SGCD: variants seen among roughly 807,000 people sequenced by gnomAD.
SGCD encodes the protein sarcoglycan delta.
In SGCD, 18 loss-of-function variants were observed where a neutral mutation model predicts 36.6. That is an observed-to-expected ratio of 0.49 (90% confidence interval 0.34 to 0.73). SGCD has a LOEUF of 0.73. Among genes scored for constraint, SGCD ranks in the 30% least tolerant of loss-of-function variants. SGCD has a pLI of 0.01. For synonymous variants in SGCD, 133 were observed against 130.6 expected, an observed-to-expected ratio of 1.02 and a Z score of -0.12; for missense variants, 387 against 346.7, an observed-to-expected ratio of 1.12 and a Z score of -0.92.
chr5:155,998,132 T>A (rs1031567583), intron 1 of SGCD, among the ~76,000 whole-genome samples: 2 of 152,234 alleles, frequency 1.3e-5, no homozygotes, highest in Non-Finnish European at 2.9e-5. Context: ...ATGCTTTTAA[T>A]AAATATGAAG....
intron 1 of SGCD, among the ~76,000 whole-genome samples, chr5:156,032,591 G>T (rs368398714): frequency 6.6e-6 from 1 of 150,986 alleles, no homozygotes; most frequent in African/African-American, 2.4e-5. Context: ...GGTGGCAGGC[G>T]CCGGTATTCT....
chr5:155,784,640 C>CCTT, the SGCD span, among the ~76,000 whole-genome samples: 1 of 134,568 alleles, frequency 7.4e-6, no homozygotes, highest in Non-Finnish European at 1.6e-5. Flanking sequence ...GTAAGAGCTC[C>CCTT]TTTTTTTTTT....
the SGCD span, among the ~76,000 whole-genome samples, chr5:155,742,448 G>A: frequency 6.6e-6 from 1 of 152,110 alleles, no homozygotes. Flanking sequence ...CTTACCCAGG[G>A]CAGACTGAGA....
At chr5:156,070,119 T>C (rs1005642075) in intron 1 of SGCD, among the ~76,000 whole-genome samples, 5 of 149,068 alleles carry the variant, frequency 3.4e-5, no homozygotes, top group African/African-American at 1.3e-4. Context: ...GGATACCCTT[T>C]ATTTCCTTCT....
At chr5:156,153,260 T>A (rs1252354770) in intron 3 of SGCD, among the ~76,000 whole-genome samples, 1 of 151,550 alleles carries the variant, frequency 6.6e-6, no homozygotes, top group African/African-American at 2.4e-5. Context: ...GTTGTTTTTT[T>A]TTTTTTCCTG....
At chr5:155,753,964 T>C in the SGCD span, among the ~76,000 whole-genome samples, 1 of 152,106 alleles carries the variant, frequency 6.6e-6, no homozygotes, top group African/African-American at 2.4e-5. Context: ...TTTGCCATAG[T>C]CCCCTGTCAT....
At chr5:155,861,841 G>A in the SGCD span, among the ~76,000 whole-genome samples, 1 of 152,234 alleles carries the variant, frequency 6.6e-6, no homozygotes, top group Non-Finnish European at 1.5e-5. Context: ...ATTTTACCGG[G>A]AGTGAGGAGG....
chr5:155,922,366 C>T (rs926510910), intron 1 of SGCD, among the ~76,000 whole-genome samples: 2 of 152,048 alleles, frequency 1.3e-5, no homozygotes, highest in Non-Finnish European at 2.9e-5. Flanking sequence ...TGTGCCTGAA[C>T]CCCCACCTCC....
At chr5:156,738,741 G>A (rs1756506134) in intron 7 of SGCD, 1 of 152,140 alleles carries the variant, frequency 6.6e-6, no homozygotes, top group Non-Finnish European at 1.5e-5. Context: ...TTTGAGGGGG[G>A]AATGACTACA....
At chr5:156,269,332 T>A (rs887191644) in intron 3 of SGCD, among the ~76,000 whole-genome samples, 23 of 151,668 alleles carry the variant, frequency 1.5e-4, no homozygotes, top group South Asian at 1.0e-3. Flanking sequence ...TAGCCGGGCA[T>A]GTTGGCGGGT....
intron 1 of SGCD, among the ~76,000 whole-genome samples, chr5:155,917,565 G>A (rs1756778328): frequency 6.6e-6 from 1 of 152,132 alleles, no homozygotes; most frequent in African/African-American, 2.4e-5. Flanking sequence ...CAACTAGAAA[G>A]TAGGCTTTTC....
At chr5:156,210,099 G>C (rs1017700199) in intron 3 of SGCD, among the ~76,000 whole-genome samples, 2 of 152,036 alleles carry the variant, frequency 1.3e-5, no homozygotes, top group Non-Finnish European at 2.9e-5. Context: ...TGCAACCATG[G>C]ACTCAATAAA....
At chr5:156,353,341 AG>A (rs1769345116) in intron 3 of SGCD, among the ~76,000 whole-genome samples, 1 of 152,242 alleles carries the variant, frequency 6.6e-6, no homozygotes, top group Non-Finnish European at 1.5e-5. Context: ...TGATTTATTA[AG>A]GTAGATCATA....
intron 3 of SGCD, among the ~76,000 whole-genome samples, chr5:156,445,778 A>G (rs534122311): frequency 1.3e-5 from 2 of 152,236 alleles, no homozygotes; most frequent in South Asian, 4.1e-4. Flanking sequence ...TGTGATGCAT[A>G]GTGATAACCC....
At chr5:156,273,672 T>C (rs1766240939) in intron 3 of SGCD, among the ~76,000 whole-genome samples, 1 of 152,188 alleles carries the variant, frequency 6.6e-6, no homozygotes, top group Non-Finnish European at 1.5e-5. Flanking sequence ...GAATATTTGC[T>C]ATGCGGGACA....
the SGCD span, among the ~76,000 whole-genome samples, chr5:155,797,198 A>T: frequency 6.6e-6 from 1 of 152,222 alleles, no homozygotes; most frequent in Non-Finnish European, 1.5e-5. Flanking sequence ...TCTGTTATTT[A>T]AAATCTTCCC....
At chr5:156,426,160 A>G (rs1193313898) in intron 3 of SGCD, among the ~76,000 whole-genome samples, 6 of 152,080 alleles carry the variant, frequency 3.9e-5, no homozygotes, top group Non-Finnish European at 7.4e-5. Context: ...TGGTTATACT[A>G]GTTTACAATT....
chr5:156,604,304 A>G (rs1761326070), intron 6 of SGCD, among the ~76,000 whole-genome samples: 2 of 151,938 alleles, frequency 1.3e-5, no homozygotes, highest in South Asian at 4.1e-4. Flanking sequence ...AGTCTCTTGT[A>G]GGCAGAATAT....
intron 1 of SGCD, among the ~76,000 whole-genome samples, chr5:155,907,565 A>G (rs1437798588): frequency 6.6e-6 from 1 of 152,116 alleles, no homozygotes; most frequent in Non-Finnish European, 1.5e-5. Context: ...GACTTTGAGG[A>G]GTTTAAGACT....
Sources: gnomAD v4.1 joint callset for allele counts (sites outside exome capture counted in the v4.1 genomes callset) on GRCh38, gnomAD v4.1.1 for gene constraint, MANE v1.5 for transcripts, NCBI Gene and HGNC (gene_info 2026-07-23, HGNC 2026-07-21) for gene names.